The following EIF5B variants were observed in gnomAD, a reference collection of about 807,000 sequenced individuals.
EIF5B encodes eukaryotic translation initiation factor 5B.
A neutral mutation model predicts 147.5 loss-of-function variants in EIF5B; 47 were observed. The ratio of observed to expected loss-of-function variants is 0.32; its 90% CI spans 0.25 to 0.41. EIF5B has a LOEUF of 0.41. EIF5B is among the 10% of genes least tolerant of loss of function. EIF5B has a pLI of 1.00. For missense variants in EIF5B, 1,064 were observed against 1,413.2 expected, an observed-to-expected ratio of 0.75 and a Z score of 3.96; for synonymous variants, 455 against 456.2, an observed-to-expected ratio of 1.00 and a Z score of 0.03.
chr2:99,366,818 G>A (rs1559250627), intron 6 of EIF5B, among the ~76,000 whole-genome samples: 1 of 152,184 alleles, frequency 6.6e-6, no homozygotes, highest in East Asian at 1.9e-4. Flanking sequence ...TAGAATACCT[G>A]ATTTCAAGAC....
chr2:99,374,276 G>A lies in EIF5B; in HGVS notation c.1553-2071G>A, dbSNP rs1239541111. 4.4e-5 allele frequency among the ~76,000 whole-genome samples: 6 copies of A among 135,262 alleles called. No individual in the cohort carries two copies. In the South Asian group the frequency reaches 1.2e-3, roughly 27 times the overall value. 88.7% of individuals were successfully genotyped at this position (135,262 alleles called of 152,430 possible). On this transcript the variant is annotated intron_variant, in intron 9 of 23. Transcript: ENST00000289371. ...TGCATTCCAGCCTGGGCGACAGAGC[G>A]AGACTCTTACCTAAAAAAAAAAAAA...
chr2:99,375,582 C>T (rs978366159), intron 9 of EIF5B, among the ~76,000 whole-genome samples: 8 of 152,130 alleles, frequency 5.3e-5, no homozygotes, highest in African/African-American at 1.7e-4. Flanking sequence ...TGCCTCTTCC[C>T]GAATCAACAA....
intron 22 of EIF5B, 143 bp from the exon 23 acceptor site, chr2:99,398,605 A>G: frequency 1.2e-6 from 1 of 824,562 alleles, no homozygotes; most frequent in Non-Finnish European, 1.9e-6. Flanking sequence ...CCAAAATGTT[A>G]CACCGTGAGT....
chr2:99,366,351 A>G (rs1490739546), intron 6 of EIF5B, among the ~76,000 whole-genome samples: 1 of 152,176 alleles, frequency 6.6e-6, no homozygotes, highest in East Asian at 1.9e-4. Context: ...CCTCAGGCCC[A>G]TGCTTTTCAT....
chr2:99,394,905 C>T (rs1185676193), intron 21 of EIF5B, 22 bp downstream of exon 21: 1 of 1,535,174 alleles, frequency 6.5e-7, no homozygotes, highest in East Asian at 2.3e-5. Context: ...TTTTTATTTA[C>T]TTTGAGTCTT....
At position 99,368,306 on chromosome 2, in the gene EIF5B, C is replaced by T. The variant is rs891854722; in HGVS notation, c.1289-187C>T. On this transcript the variant is annotated intron_variant, in intron 6 of 23. Coordinates refer to ENST00000289371, the MANE Select transcript of EIF5B (RefSeq NM_015904.4). Reference sequence around the variant, plus strand: ...ATCAAAACTCTCACTGTATGTGAAACGAGGATTTTTACTGTATGTAAATTT... The same window carrying T: ...ATCAAAACTCTCACTGTATGTGAAATGAGGATTTTTACTGTATGTAAATTT... 4.5e-4 allele frequency among the ~76,000 whole-genome samples: 68 copies of T among 152,032 alleles called. 2 individuals are homozygous for T. The highest frequency in any genetic ancestry group is 1.3e-4 in the Non-Finnish European group (9 of 68,006).
chr2:99,338,614 A>G (rs888765446), intron 1 of EIF5B, among the ~76,000 whole-genome samples: 1 of 152,228 alleles, frequency 6.6e-6, no homozygotes, highest in Non-Finnish European at 1.5e-5. Flanking sequence ...TAGAATTAAA[A>G]GACAACAAAG....
At chr2:99,397,077 A>G in intron 22 of EIF5B, 179 bp downstream of exon 22, 1 of 592,310 alleles carries the variant, frequency 1.7e-6, no homozygotes, top group Non-Finnish European at 2.6e-6. Flanking sequence ...AAAATGTGGT[A>G]ACTTTAAAAC....
intron 1 of EIF5B, among the ~76,000 whole-genome samples, chr2:99,341,485 T>C (rs1301813850): frequency 6.6e-6 from 1 of 152,232 alleles, no homozygotes; most frequent in African/African-American, 2.4e-5. Flanking sequence ...ACTTGCTCAT[T>C]TGTTGTGCTT....
rs766979068 is a variant in EIF5B at position 99,394,721 on chromosome 2, A to G, written c.3092A>G (p.Tyr1031Cys). The change falls in exon 21 of 24, where the codon TAT becomes TGT. Residue 1031 changes from tyrosine (Y) to cysteine (C), a missense_variant and splice_region_variant. By Grantham distance (194) the Tyr-to-Cys change is radical (BLOSUM62 -2). This residue lies in a region of EIF5B where 380 missense variants were observed against 715.6 expected (regional missense o/e 0.53). Coordinates refer to ENST00000289371, the MANE Select transcript of EIF5B (RefSeq NM_015904.4). The part of the protein sequence containing the change: ...ASVMLEHDPQ[Y>C]AVILAFDVRI... ...TTTGATGTGTTTTAACCTTTTAGGTATGCAGTAATTTTGGCCTTCGATGTG... is the reference window on the plus strand; with the variant it reads ...TTTGATGTGTTTTAACCTTTTAGGTGTGCAGTAATTTTGGCCTTCGATGTG... The G allele has an allele frequency of 5.0e-6, 8 of 1,611,714 alleles. No individual in the cohort carries two copies. The Admixed American group carries it at 1.2e-4, about 24-fold the overall frequency.
At chr2:99,396,119 C>T (rs1048508870) in intron 21 of EIF5B, among the ~76,000 whole-genome samples, 1 of 152,136 alleles carries the variant, frequency 6.6e-6, no homozygotes, top group African/African-American at 2.4e-5. Context: ...GTTTGGGATA[C>T]ATTTTTAAGT....
At chr2:99,345,761 G>A (rs1344840401) in intron 1 of EIF5B, among the ~76,000 whole-genome samples, 4 of 151,846 alleles carry the variant, frequency 2.6e-5, no homozygotes, top group African/African-American at 4.8e-5. Flanking sequence ...CCCGTGCAAC[G>A]TGGGGAGACC....
intron 1 of EIF5B, among the ~76,000 whole-genome samples, chr2:99,357,381 G>T (rs1674116065): frequency 6.6e-6 from 1 of 152,058 alleles, no homozygotes; most frequent in South Asian, 2.1e-4. Context: ...GTAGCTGGTG[G>T]CCTTTAAAAA....
At chr2:99,393,351 A>G (rs1674973600) in intron 18 of EIF5B, among the ~76,000 whole-genome samples, 3 of 152,224 alleles carry the variant, frequency 2.0e-5, no homozygotes, top group Admixed American at 2.0e-4. Flanking sequence ...GTCAAAAGCT[A>G]GAAGTCGGCT....
intron 6 of EIF5B, among the ~76,000 whole-genome samples, chr2:99,364,888 T>A (rs200864013): frequency 6.0e-5 from 9 of 150,708 alleles, no homozygotes; most frequent in African/African-American, 1.9e-4. Flanking sequence ...CATTTTTTTT[T>A]AACCCTTTCC....
chr2:99,394,377 T>G lies in EIF5B; in HGVS notation c.2991T>G (p.Phe997Leu). Residue 997 changes from phenylalanine (F) to leucine (L), a missense_variant, in exon 19 of 24, where the codon TTT becomes TTG. Coordinates refer to ENST00000289371, the MANE Select transcript of EIF5B (RefSeq NM_015904.4). ...GTTCTTTGGAAGCTCTACTGGAATT[T>G]CTGAAAACATCAGAAGTGCCCGTAA... ...TLGSLEALLE[F>L]LKTSEVPYAG... 1 of 1,614,000 alleles carries G rather than the reference T, an allele frequency of 6.2e-7. No individual in the cohort carries two copies. Among genetic ancestry groups the G allele is most frequent in the Non-Finnish European group, 8.5e-7 (1 of 1,179,974 alleles).
At chr2:99,399,282 C>T in intron 23 of EIF5B, 25 bp from the exon 24 acceptor site, 2 of 1,608,218 alleles carry the variant, frequency 1.2e-6, no homozygotes, top group Non-Finnish European at 1.7e-6. Context: ...TTCTGTTTAC[C>T]CTGTTTGTGC....
In EIF5B at chr2:99,360,239, C is replaced by A; in HGVS notation, c.39C>A (p.Thr13=). Reference sequence around the variant, plus strand: ...GATGTTTTTGTTTTCATTTAAGCACCAAGGATGACATTGATCTTGATGCCT... The same window carrying A: ...GATGTTTTTGTTTTCATTTAAGCACAAAGGATGACATTGATCTTGATGCCT... The part of the protein sequence containing the change: ...KKQKNKSEDS[T]KDDIDLDALA... The change falls in exon 2 of 24, where the codon ACC becomes ACA. Residue 13 remains threonine, a synonymous_variant. Coordinates refer to ENST00000289371, the MANE Select transcript of EIF5B (RefSeq NM_015904.4). 1 of 1,587,268 alleles carries A rather than the reference C, an allele frequency of 6.3e-7. No homozygotes were observed. The highest frequency in any genetic ancestry group is 1.2e-5 in the South Asian group (1 of 83,946).
At chr2:99,338,630 C>T (rs1220268242) in intron 1 of EIF5B, among the ~76,000 whole-genome samples, 1 of 152,052 alleles carries the variant, frequency 6.6e-6, no homozygotes, top group Non-Finnish European at 1.5e-5. Context: ...CAAAGATAGT[C>T]TTGTATTTCA....
Sources: allele counts gnomAD v4.1 joint callset (sites outside exome capture counted in the v4.1 genomes callset), GRCh38; gene constraint gnomAD v4.1.1; regional missense constraint gnomAD v4.1.1; transcripts MANE v1.5; gene names NCBI Gene and HGNC (gene_info 2026-07-23, HGNC 2026-07-21).